The following NRM variants were observed in gnomAD, a reference collection of about 807,000 sequenced individuals.
NRM encodes nurim, also known as nuclear rim protein.
Under a neutral mutation model 23.4 loss-of-function variants are expected in NRM, and 19 were observed. The observed-to-expected ratio is 0.81, with a 90% confidence interval of 0.57 to 1.19. NRM has a LOEUF of 1.19. NRM is among the 50% of genes most tolerant of loss of function. The probability of loss-of-function intolerance (pLI) is 0.00; values close to 1 mark genes in which losing one functional copy is unlikely to be tolerated. For missense variants in NRM, 232 were observed against 329.7 expected, an observed-to-expected ratio of 0.70 and a Z score of 2.30; for synonymous variants, 140 against 143.5, an observed-to-expected ratio of 0.98 and a Z score of 0.17.
At chr6:30,691,246 A>T, upstream of NRM, 1 of 417,682 alleles carries the variant, frequency 2.4e-6, no homozygotes, top group Non-Finnish European at 4.3e-6. Flanking sequence ...GCAGCCGCTC[A>T]CGTGGGTTGA....
At position 30,689,652 on chromosome 6, in the gene NRM, CCT is replaced by C. The variant is rs2127624104; in HGVS notation, c.331-202_331-201del. On this transcript the variant is annotated intron_variant, in intron 2 of 3. Coordinates refer to ENST00000376421, the MANE Select transcript of NRM (RefSeq NM_001384369.1). The surrounding 1 kb of genome is among the most constrained non-coding windows in gnomAD (Gnocchi z 4.7). ...AGATGTAAGGATGGCCTGTCTCTACCCTGAGAACTTATAGAATAGATGGGGTG... is the reference window on the plus strand; with the variant it reads ...AGATGTAAGGATGGCCTGTCTCTACCGAGAACTTATAGAATAGATGGGGTG... 6.6e-6 allele frequency among the ~76,000 whole-genome samples: 1 copy of C among 152,238 alleles called. No homozygotes were observed. Among genetic ancestry groups the C allele is most frequent in the African/African-American group, 2.4e-5 (1 of 41,550 alleles).
Position 30,690,951 on chromosome 6 carries a change from G to A in NRM, c.24C>T (p.Ile8=). The change falls in exon 1 of 4, where the codon ATC becomes ATT. Residue 8 remains isoleucine (I), a synonymous_variant. Coordinates refer to ENST00000376421, the MANE Select transcript of NRM (RefSeq NM_001384369.1). This position sits in a 1 kb window ranked among gnomAD's most constrained non-coding sequence, Gnocchi z 5.5. ...GGATGAAAGAGGCGAGGGCAGCAGG[G>A]ATCAGGAGCAGTGCAGGGGCCATGG... MAPALLL[I]PAALASFILA... is the part of the protein sequence containing the mutation. 6.8e-7 allele frequency: 1 copy of A among 1,464,754 alleles called. No individual in the cohort carries two copies. The highest frequency in any genetic ancestry group is 9.2e-7 in the Non-Finnish European group (1 of 1,082,556). The allele number at this position is 1,464,754 out of a possible 1,614,324, so 90.7% of individuals were successfully genotyped here.
At chr6:30,691,044 C>A, upstream of NRM, 1 of 1,524,248 alleles carries the variant, frequency 6.6e-7, no homozygotes, top group Non-Finnish European at 8.9e-7. Context: ...CGCCCGCGGC[C>A]CCGCCCCCGG....
upstream of NRM, chr6:30,691,157 C>T (rs1306489793): frequency 1.2e-5 from 7 of 600,176 alleles, no homozygotes; most frequent in Non-Finnish European, 2.0e-5. Context: ...TCCTGGGATG[C>T]GTGTCCCGGC....
In NRM at chr6:30,689,519, C is replaced by T. The variant is rs543958352; in HGVS notation, c.331-67G>A. On this transcript the variant is annotated intron_variant, in intron 2 of 3. Coordinates refer to ENST00000376421, the MANE Select transcript of NRM (RefSeq NM_001384369.1). This position sits in a 1 kb window ranked among gnomAD's most constrained non-coding sequence, Gnocchi z 4.7. ...TGCCCGACCTTGGGAGACCCAGACC[C>T]AGATCTGCCCCCACCACAGGCTAGC... The T allele has an allele frequency of 2.1e-6, 3 of 1,443,694 alleles. No individual in the cohort carries two copies. The highest frequency in any genetic ancestry group is 2.6e-5 in the Admixed American group (1 of 38,514). The allele number at this position is 1,443,694 out of a possible 1,614,324, so 89.4% of individuals were successfully genotyped here. A position where few individuals can be genotyped will look rare whatever the true frequency, so the allele number is the denominator to read the frequency against.
rs1306709984 is a variant in NRM, at chr6:30,690,858, C to T, written c.117G>A (p.Pro39=). Residue 39 remains proline (P), a synonymous_variant, in exon 1 of 4, where the codon CCG becomes CCA. Coordinates refer to ENST00000376421, the MANE Select transcript of NRM (RefSeq NM_001384369.1). This position sits in a 1 kb window ranked among gnomAD's most constrained non-coding sequence, Gnocchi z 5.5. The part of the protein sequence containing the change: ...TSLRPLLGGI[P]ESGGPDARQG... ...CCCGCTCACCCGGACCACCAGACTC[C>T]GGGATCCCTCCAAGAAGTGGCCGAA... The T allele has an allele frequency of 6.2e-7, 1 of 1,613,096 alleles. No homozygotes were observed. The highest frequency in any genetic ancestry group is 8.5e-7 in the Non-Finnish European group (1 of 1,180,036).
Position 30,690,682 on chromosome 6 carries a change from G to A in NRM, c.133+160C>T. The A allele has an allele frequency of 6.2e-7, 1 of 1,608,426 alleles. No homozygotes were observed. Among genetic ancestry groups the A allele is most frequent in the Non-Finnish European group, 8.5e-7 (1 of 1,178,096 alleles). On this transcript the variant is annotated intron_variant, in intron 1 of 3. Transcript: ENST00000376421. The surrounding 1 kb of genome is among the most constrained non-coding windows in gnomAD (Gnocchi z 5.5). ...CTCTAATCCTTGAGTTCCTAATTTA[G>A]AACTCAGGTCTCCCTCCCCTGTAGC... is the stretch of plus-strand genomic sequence containing the variant.
rs1340237281 is a variant in NRM at position 30,690,756 on chromosome 6, T to C, written c.133+86A>G. The C allele has an allele frequency of 6.2e-7, 1 of 1,611,444 alleles. No homozygotes were observed. Among genetic ancestry groups the C allele is most frequent in the Non-Finnish European group, 8.5e-7 (1 of 1,179,244 alleles). On this transcript the variant is annotated intron_variant, in intron 1 of 3. Coordinates refer to ENST00000376421, the MANE Select transcript of NRM (RefSeq NM_001384369.1). This position sits in a 1 kb window ranked among gnomAD's most constrained non-coding sequence, Gnocchi z 5.5. ...AGTTCCCTCTCTTGGACTTCCCCTGTCATTTGTTTCCAAGCCCCGCCCTCA... is the reference window on the plus strand; with the variant it reads ...AGTTCCCTCTCTTGGACTTCCCCTGCCATTTGTTTCCAAGCCCCGCCCTCA...
chr6:30,690,702 T>G lies in NRM; in HGVS notation c.133+140A>C, dbSNP rs747266790. On this transcript the variant is annotated intron_variant, in intron 1 of 3. Transcript: ENST00000376421. This position sits in a 1 kb window ranked among gnomAD's most constrained non-coding sequence, Gnocchi z 5.5. ...ATTTAGAACTCAGGTCTCCCTCCCC[T>G]GTAGCTTCTCGGCCGCTTTCAAGGT... is the stretch of plus-strand genomic sequence containing the variant. 1 of 1,610,336 alleles carries G rather than the reference T, an allele frequency of 6.2e-7. No homozygotes were observed. The highest frequency in any genetic ancestry group is 8.5e-7 in the Non-Finnish European group (1 of 1,178,952).
chr6:30,690,088 G>T lies in NRM; in HGVS notation c.289C>A (p.Gln97Lys), dbSNP rs1296767472. 3 of 1,612,706 alleles carry T rather than the reference G, an allele frequency of 1.9e-6. No homozygotes were observed. The South Asian group carries it at 3.3e-5, about 18-fold the overall frequency. ...GTGCAGGCCACATACAGTGACCTCT[G>T]AAGGACCCCAAAGTACCGGGATGTC... The part of the protein sequence containing the change: ...AWTSRYFGVL[Q>K]RSLYVACTAL... Residue 97 changes from glutamine to lysine, a missense_variant, in exon 2 of 4, where the codon CAG becomes AAG. Physicochemically the swap from Gln to Lys is moderately conservative, Grantham distance 53. Coordinates refer to ENST00000376421, the MANE Select transcript of NRM (RefSeq NM_001384369.1). This position sits in a 1 kb window ranked among gnomAD's most constrained non-coding sequence, Gnocchi z 5.5.
In NRM at chr6:30,689,137, C is replaced by A; in HGVS notation, c.507+139G>T. 4 of 1,092,610 alleles carry A rather than the reference C, an allele frequency of 3.7e-6. No individual in the cohort carries two copies. The South Asian group carries it at 5.0e-5, about 14-fold the overall frequency. 67.7% of individuals were successfully genotyped at this position (1,092,610 alleles called of 1,614,324 possible). ...AGGAGGCCCATGCTTGCTGCCCTTACGAGGGAAAGTCAAAGGGAAGGGCCA... is the reference window on the plus strand; with the variant it reads ...AGGAGGCCCATGCTTGCTGCCCTTAAGAGGGAAAGTCAAAGGGAAGGGCCA... On this transcript the variant is annotated intron_variant, in intron 3 of 3. Coordinates refer to ENST00000376421, the MANE Select transcript of NRM (RefSeq NM_001384369.1). The surrounding 1 kb of genome is among the most constrained non-coding windows in gnomAD (Gnocchi z 4.7).
At position 30,690,735 on chromosome 6, in the gene NRM, C is replaced by G; in HGVS notation, c.133+107G>C. Reference sequence around the variant, plus strand: ...CTCGGCCGCTTTCAAGGTTCGAGTTCCCTCTCTTGGACTTCCCCTGTCATT... The same window carrying G: ...CTCGGCCGCTTTCAAGGTTCGAGTTGCCTCTCTTGGACTTCCCCTGTCATT... On this transcript the variant is annotated intron_variant, in intron 1 of 3. Transcript: ENST00000376421. This position sits in a 1 kb window ranked among gnomAD's most constrained non-coding sequence, Gnocchi z 5.5. The G allele has an allele frequency of 1.9e-6, 3 of 1,611,210 alleles. No homozygotes were observed. The highest frequency in any genetic ancestry group is 2.5e-6 in the Non-Finnish European group (3 of 1,179,326).
In NRM at chr6:30,689,558, C is replaced by A; in HGVS notation, c.331-106G>T. On this transcript the variant is annotated intron_variant, in intron 2 of 3. Transcript: ENST00000376421. The surrounding 1 kb of genome is among the most constrained non-coding windows in gnomAD (Gnocchi z 4.7). ...CCACAGGCTAGCCTGCAACTCTCCC[C>A]CACCTCTCTCCTAAGCATCACCACC... 2 of 1,108,536 alleles carry A rather than the reference C, an allele frequency of 1.8e-6. No individual in the cohort carries two copies. The highest frequency in any genetic ancestry group is 2.5e-6 in the Non-Finnish European group (2 of 789,984). 68.7% of individuals were successfully genotyped at this position (1,108,536 alleles called of 1,614,324 possible). A position where few individuals can be genotyped will look rare whatever the true frequency, so the allele number is the denominator to read the frequency against.
rs574554956 is a variant in NRM at position 30,690,039 on chromosome 6, C to A, written c.330+8G>T. 6.2e-7 allele frequency: 1 copy of A among 1,600,954 alleles called. No individual in the cohort carries two copies. Among genetic ancestry groups the A allele is most frequent in the South Asian group, 1.1e-5 (1 of 89,082 alleles). On this transcript the variant is annotated splice_region_variant and intron_variant, in intron 2 of 3. Coordinates refer to ENST00000376421, the MANE Select transcript of NRM (RefSeq NM_001384369.1). The surrounding 1 kb of genome is among the most constrained non-coding windows in gnomAD (Gnocchi z 5.5). The stretch of plus-strand genomic sequence containing the variant: ...GGATTTCATACCTGCAAGGCCAGGG[C>A]CTCATACCTGCAAGGCCAGGGCAGT...
In NRM at chr6:30,690,021, A is replaced by G; in HGVS notation, c.330+26T>C. ...TTGGGGACTCAACTGCCAGGATTTCATACCTGCAAGGCCAGGGCCTCATAC... is the reference window on the plus strand; with the variant it reads ...TTGGGGACTCAACTGCCAGGATTTCGTACCTGCAAGGCCAGGGCCTCATAC... On this transcript the variant is annotated intron_variant, in intron 2 of 3. Transcript: ENST00000376421. The surrounding 1 kb of genome is among the most constrained non-coding windows in gnomAD (Gnocchi z 5.5). 6.3e-7 allele frequency: 1 copy of G among 1,584,444 alleles called. No individual in the cohort carries two copies. The highest frequency in any genetic ancestry group is 1.2e-5 in the South Asian group (1 of 86,088).
Position 30,688,758 on chromosome 6 carries a change from G to C in NRM, c.692C>G (p.Ala231Gly), listed in dbSNP as rs1289238565. ...GAGGTCTTGCTGATCAAGCCCGTGA[G>C]CCAGGCCCAGGTAGAGGGTAAGGAG... ...AFLLTLYLGL[A>G]HGLDQQDLRY... Residue 231 changes from alanine to glycine, a missense_variant, in exon 4 of 4, where the codon GCT (alanine) becomes GGT (glycine). Transcript: ENST00000376421. The surrounding 1 kb of genome is among the most constrained non-coding windows in gnomAD (Gnocchi z 5.9). The C allele has an allele frequency of 6.2e-7, 1 of 1,613,984 alleles. No individual in the cohort carries two copies. The highest frequency in any genetic ancestry group is 1.1e-5 in the South Asian group (1 of 91,088).
In NRM at chr6:30,689,267, G is replaced by A. The variant is rs747768048; in HGVS notation, c.507+9C>T. 37 of 1,551,826 alleles carry A rather than the reference G, an allele frequency of 2.4e-5. No homozygotes were observed. The East Asian group carries it at 8.3e-4, about 35-fold the overall frequency. Reference sequence around the variant, plus strand: ...TCAGAGGTCATAGGTAGGGATCTCGGAGCCTCACCTGTTTGAGGCCCATGA... The same window carrying A: ...TCAGAGGTCATAGGTAGGGATCTCGAAGCCTCACCTGTTTGAGGCCCATGA... On this transcript the variant is annotated intron_variant, in intron 3 of 3. Transcript: ENST00000376421. This position sits in a 1 kb window ranked among gnomAD's most constrained non-coding sequence, Gnocchi z 4.7.
chr6:30,688,676 A>G lies in NRM; in HGVS notation c.774T>C (p.Asp258=), dbSNP rs1354735987. 1.2e-6 allele frequency: 2 copies of G among 1,613,800 alleles called. No homozygotes were observed. The highest frequency in any genetic ancestry group is 2.2e-5 in the East Asian group (1 of 44,854). The part of the protein sequence containing the change: ...RKLHLLSRPQ[D]GEAE ...AGTGAGCTCCTCACTCTGCCTCCCC[A>G]TCCTGGGGCCGAGAGAGCAGGTGGA... Residue 258 remains aspartate (D), a synonymous_variant, in exon 4 of 4, where the codon GAT becomes GAC. Transcript: ENST00000376421. This position sits in a 1 kb window ranked among gnomAD's most constrained non-coding sequence, Gnocchi z 5.9.
rs765427966 is a variant in NRM at position 30,688,851 on chromosome 6, C to T, written c.599G>A (p.Cys200Tyr). ...RLFSHLRHPV[C>Y]VELLTVLWVV... is the part of the protein sequence containing the mutation. ...CCACAGCACTGTCAGCAGCTCCACA[C>T]ACACTGGGTGGCGCAGGTGGGAGAA... Residue 200 changes from cysteine to tyrosine, a missense_variant, in exon 4 of 4, where the codon TGT becomes TAT. Physicochemically the swap from Cys to Tyr is radical, Grantham distance 194. Transcript: ENST00000376421. The surrounding 1 kb of genome is among the most constrained non-coding windows in gnomAD (Gnocchi z 5.9). 4 of 1,614,024 alleles carry T rather than the reference C, an allele frequency of 2.5e-6. No individual in the cohort carries two copies. The highest frequency in any genetic ancestry group is 3.4e-6 in the Non-Finnish European group (4 of 1,180,004).
Sources: allele counts gnomAD v4.1 joint callset (sites outside exome capture counted in the v4.1 genomes callset), GRCh38; gene constraint gnomAD v4.1.1; non-coding constraint Gnocchi (gnomAD v3.1); transcripts MANE v1.5; gene names NCBI Gene and HGNC (gene_info 2026-07-23, HGNC 2026-07-21).